Variants in HDAC9 observed in about 807,000 individuals in gnomAD.
HDAC9 encodes the protein MEF-2 interacting transcription repressor (MITR) protein.
A neutral mutation model predicts 139.4 loss-of-function variants in HDAC9; 41 were observed. The ratio of observed to expected loss-of-function variants is 0.29; its 90% CI spans 0.23 to 0.38. HDAC9 has a LOEUF of 0.38. HDAC9 is among the 10% of genes least tolerant of loss of function. The pLI is 1.00. For missense variants in HDAC9, 1,147 were observed against 1,297.0 expected, an observed-to-expected ratio of 0.88 and a Z score of 1.78; for synonymous variants, 517 against 476.2, an observed-to-expected ratio of 1.09 and a Z score of -1.12.
intron 1 of HDAC9, among the ~76,000 whole-genome samples, chr7:18,138,787 C>T (rs1178363): frequency 0.14 from 21,381 of 151,938 alleles, 2,836 homozygotes; most frequent in African/African-American, 0.35. Flanking sequence ...AGAAAAAATG[C>T]TCTCCTGAAG....
chr7:18,138,890 T>C (rs1009179813), intron 1 of HDAC9, among the ~76,000 whole-genome samples: 1 of 152,126 alleles, frequency 6.6e-6, no homozygotes, highest in African/African-American at 2.4e-5. Flanking sequence ...CCTGGCACTC[T>C]AGAATAATGA....
At chr7:18,260,072 G>C (rs1412863383) in intron 2 of HDAC9, among the ~76,000 whole-genome samples, 1 of 152,118 alleles carries the variant, frequency 6.6e-6, no homozygotes, top group Admixed American at 6.5e-5. Context: ...TGTGTACTCA[G>C]AAGATGGTCA....
intron 23 of HDAC9, among the ~76,000 whole-genome samples, chr7:18,952,816 T>G (rs1782890527): frequency 8.0e-6 from 1 of 124,958 alleles, no homozygotes; most frequent in Non-Finnish European, 1.8e-5. Flanking sequence ...GTGGTGGTGA[T>G]GTTTTTTTTT....
intron 12 of HDAC9, among the ~76,000 whole-genome samples, chr7:18,705,284 G>A (rs1309933790): frequency 1.3e-5 from 2 of 152,086 alleles, no homozygotes; most frequent in African/African-American, 4.8e-5. Flanking sequence ...TATTTTAACA[G>A]CGTCCCTGAC....
At chr7:18,527,022 G>A (rs1342789935) in intron 2 of HDAC9, among the ~76,000 whole-genome samples, 1 of 152,042 alleles carries the variant, frequency 6.6e-6, no homozygotes, top group East Asian at 1.9e-4. Flanking sequence ...TATAGAAAAA[G>A]GTGAGCTTTT....
chr7:18,882,375 T>C (rs1160658581), intron 22 of HDAC9, among the ~76,000 whole-genome samples: 1 of 152,086 alleles, frequency 6.6e-6, no homozygotes, highest in Non-Finnish European at 1.5e-5. Context: ...AGGGAAGTCA[T>C]GGTCTCCTTG....
intron 1 of HDAC9, among the ~76,000 whole-genome samples, chr7:18,308,705 A>G (rs1799094684): frequency 6.6e-6 from 1 of 152,188 alleles, no homozygotes; most frequent in Non-Finnish European, 1.5e-5. Flanking sequence ...AGTTACATAT[A>G]TATATATGTG....
chr7:18,514,324 G>C (rs2128196036), intron 2 of HDAC9, among the ~76,000 whole-genome samples: 1 of 152,254 alleles, frequency 6.6e-6, no homozygotes, highest in East Asian at 1.9e-4. Context: ...TACCATCTTA[G>C]TAATGAAGAT....
chr7:18,576,807 C>G (rs1455359321), intron 2 of HDAC9, among the ~76,000 whole-genome samples: 2 of 151,940 alleles, frequency 1.3e-5, no homozygotes, highest in South Asian at 4.2e-4. Flanking sequence ...CAGTAAGAGA[C>G]AGCTAAAGAG....
At chr7:18,512,103 TA>T (rs1222445787) in intron 2 of HDAC9, among the ~76,000 whole-genome samples, 1 of 151,942 alleles carries the variant, frequency 6.6e-6, no homozygotes, top group African/African-American at 2.4e-5. Flanking sequence ...AAACTCTTAT[TA>T]AACTAAAAAA....
chr7:18,441,290 T>C (rs1008878711), intron 1 of HDAC9, among the ~76,000 whole-genome samples: 1 of 152,214 alleles, frequency 6.6e-6, no homozygotes, highest in Admixed American at 6.5e-5. Flanking sequence ...TTCACCCACA[T>C]CACATGTCAG....
chr7:18,934,841 A>G (rs1781512214), intron 22 of HDAC9, among the ~76,000 whole-genome samples: 1 of 152,204 alleles, frequency 6.6e-6, no homozygotes, highest in South Asian at 2.1e-4. Context: ...AGACCCGTGT[A>G]AGAATGTTCA....
chr7:18,359,913 C>T (rs530362988), intron 1 of HDAC9, among the ~76,000 whole-genome samples: 271 of 152,212 alleles, frequency 1.8e-3, no homozygotes, highest in Middle Eastern at 3.4e-3. Context: ...CTGGCCACTT[C>T]GGTGATTTTC....
chr7:18,534,128 A>C (rs992358060), intron 2 of HDAC9, among the ~76,000 whole-genome samples: 1 of 152,170 alleles, frequency 6.6e-6, no homozygotes, highest in African/African-American at 2.4e-5. Flanking sequence ...CATATTTAAA[A>C]TGAGCATTTG....
Position 18,576,459 on chromosome 7 carries a change from C to T in HDAC9, c.23-8822C>T, listed in dbSNP as rs191430701. ...GGAGGATCACTTGAGGTCAGGAGTT[C>T]AAAACCAGCTTGGCAAATGTAGTAA... On this transcript the variant is annotated intron_variant, in intron 2 of 25. Coordinates refer to ENST00000686413, the MANE Select transcript of HDAC9 (RefSeq NM_178425.4). Among the ~76,000 whole-genome samples, 12 of 152,086 alleles carry T rather than the reference C, an allele frequency of 7.9e-5. No individual in the cohort carries two copies. The East Asian group carries it at 1.5e-3, about 20-fold the overall frequency.
At chr7:18,779,745 C>T (rs1262194316) in intron 16 of HDAC9, among the ~76,000 whole-genome samples, 1 of 152,000 alleles carries the variant, frequency 6.6e-6, no homozygotes, top group Non-Finnish European at 1.5e-5. Flanking sequence ...GAGCACTGCA[C>T]CACCCTGTGG....
At chr7:18,252,252 G>A (rs1794963534) in intron 2 of HDAC9, among the ~76,000 whole-genome samples, 1 of 152,182 alleles carries the variant, frequency 6.6e-6, no homozygotes, top group Non-Finnish European at 1.5e-5. Context: ...AGTGGGGCAG[G>A]AGTCAATGTG....
intron 2 of HDAC9, among the ~76,000 whole-genome samples, chr7:18,199,477 C>T (rs1790952798): frequency 6.6e-6 from 1 of 152,134 alleles, no homozygotes; most frequent in East Asian, 1.9e-4. Flanking sequence ...GTTTGCTCTG[C>T]AATCTGATAG....
intron 8 of HDAC9, among the ~76,000 whole-genome samples, chr7:18,644,314 A>G (rs1786662456): frequency 6.6e-6 from 1 of 151,996 alleles, no homozygotes; most frequent in Non-Finnish European, 1.5e-5. Context: ...TTATATACAT[A>G]TTTTTTTCAC....
Sources: allele counts gnomAD v4.1 joint callset (sites outside exome capture counted in the v4.1 genomes callset), GRCh38; gene constraint gnomAD v4.1.1; transcripts MANE v1.5; gene names NCBI Gene and HGNC (gene_info 2026-07-23, HGNC 2026-07-21).